COG5: variants seen among roughly 807,000 people sequenced by gnomAD.
COG5 encodes component of oligomeric golgi complex 5, also known as conserved oligomeric Golgi complex subunit 5.
In COG5, 86 loss-of-function variants were observed where a neutral mutation model predicts 110.4. That is an observed-to-expected ratio of 0.78 (90% CI 0.65 to 0.93). The LOEUF (loss-of-function observed/expected upper bound fraction) is 0.93. COG5 is among the 40% of genes least tolerant of loss of function. COG5 has a pLI of 0.00. For missense variants in COG5, 1,077 were observed against 987.0 expected (o/e 1.09, Z -1.22); for synonymous variants, 360 against 334.6 (o/e 1.08, Z -0.83).
chr7:107,535,864 T>C (rs1356346566), intron 5 of COG5, among the ~76,000 whole-genome samples: 3 of 151,940 alleles, frequency 2.0e-5, no homozygotes, highest in Non-Finnish European at 4.4e-5. Flanking sequence ...CATAAAAAAT[T>C]TCAGGCCAAT....
At chr7:107,453,454 A>G (rs1431263162) in intron 6 of COG5, among the ~76,000 whole-genome samples, 1 of 152,192 alleles carries the variant, frequency 6.6e-6, no homozygotes, top group Non-Finnish European at 1.5e-5. Context: ...CCTGAACATC[A>G]GCAAAACCAA....
In COG5 at chr7:107,547,381, G is replaced by C. The variant is rs1473205235; in HGVS notation, c.417+730C>G. On this transcript the variant is annotated intron_variant, in intron 5 of 21. Transcript: ENST00000297135. ...AGAAGGAACGTACCTCAACGCAATA[G>C]AGGCCATATACGACCAGCCCACAAC... Among the ~76,000 whole-genome samples the C allele has an allele frequency of 3.3e-5, 5 of 152,088 alleles. No individual in the cohort carries two copies. In the South Asian group the frequency reaches 8.3e-4, roughly 25 times the overall value.
At chr7:107,550,795 T>G (rs903057104) in intron 3 of COG5, among the ~76,000 whole-genome samples, 1 of 151,924 alleles carries the variant, frequency 6.6e-6, no homozygotes, top group African/African-American at 2.4e-5. Flanking sequence ...AACCTCTGCC[T>G]CCCAGGTTCA....
intron 6 of COG5, among the ~76,000 whole-genome samples, chr7:107,454,496 G>T (rs1193138464): frequency 1.3e-5 from 2 of 152,072 alleles, no homozygotes; most frequent in South Asian, 4.1e-4. Context: ...ATTCTTTAAA[G>T]TATTTTTTAT....
At chr7:107,254,820 C>G (rs1164807653) in intron 16 of COG5, among the ~76,000 whole-genome samples, 3 of 152,150 alleles carry the variant, frequency 2.0e-5, no homozygotes, top group Non-Finnish European at 4.4e-5. Flanking sequence ...TGAAGGCACT[C>G]TGTCTTAATC....
intron 11 of COG5, among the ~76,000 whole-genome samples, chr7:107,320,593 G>A (rs560797222): frequency 2.6e-4 from 39 of 152,318 alleles, no homozygotes; most frequent in African/African-American, 8.9e-4. Flanking sequence ...TATCAAGGGT[G>A]TCTTTCTGGT....
chr7:107,355,442 A>T (rs939306141), intron 10 of COG5, among the ~76,000 whole-genome samples: 3 of 152,220 alleles, frequency 2.0e-5, no homozygotes, highest in African/African-American at 7.2e-5. Flanking sequence ...GAAAATGCAA[A>T]AGGCTGAGCA....
chr7:107,513,140 C>T (rs1216157784), intron 6 of COG5, among the ~76,000 whole-genome samples: 3 of 151,694 alleles, frequency 2.0e-5, no homozygotes, highest in African/African-American at 2.4e-5. Context: ...ATTTTTGCAA[C>T]CTACTCATCT....
At chr7:107,213,260 A>G (rs1799302366) in intron 19 of COG5, among the ~76,000 whole-genome samples, 1 of 152,132 alleles carries the variant, frequency 6.6e-6, no homozygotes, top group Admixed American at 6.5e-5. Flanking sequence ...GCCCACCCCA[A>G]GGCCCTACCC....
At chr7:107,438,629 C>T (rs1161659903) in intron 6 of COG5, among the ~76,000 whole-genome samples, 1 of 152,074 alleles carries the variant, frequency 6.6e-6, no homozygotes. Flanking sequence ...CCTACAATAC[C>T]CCTGGACTAT....
chr7:107,412,491 A>AT lies in COG5; in HGVS notation c.669+10dup. 6.2e-7 allele frequency: 1 copy of AT among 1,611,518 alleles called. No individual in the cohort carries two copies. The highest frequency in any genetic ancestry group is 8.5e-7 in the Non-Finnish European group (1 of 1,179,194). On this transcript the variant is annotated intron_variant, in intron 7 of 21. Coordinates refer to ENST00000297135, the MANE Select transcript of COG5 (RefSeq NM_006348.5). ...ATTTTTTACATTAAAAAACAGTCTT[A>AT]TTTTTATTACCTGAGTCTCCAAACC...
At chr7:107,338,895 A>C (rs961494930) in intron 10 of COG5, among the ~76,000 whole-genome samples, 3 of 152,160 alleles carry the variant, frequency 2.0e-5, no homozygotes, top group Non-Finnish European at 4.4e-5. Flanking sequence ...TGGAAATGAA[A>C]GAATGATACC....
At chr7:107,313,611 C>G (rs1367004553) in intron 11 of COG5, among the ~76,000 whole-genome samples, 2 of 152,138 alleles carry the variant, frequency 1.3e-5, no homozygotes. Context: ...CTGTCCCTGT[C>G]TTTTCCACTT....
intron 14 of COG5, among the ~76,000 whole-genome samples, chr7:107,274,245 G>C (rs1804507601): frequency 6.6e-6 from 1 of 152,024 alleles, no homozygotes; most frequent in Non-Finnish European, 1.5e-5. Context: ...AGAGAACATT[G>C]GTTGCACCTG....
At chr7:107,466,789 C>A (rs2129105088) in intron 6 of COG5, among the ~76,000 whole-genome samples, 1 of 152,328 alleles carries the variant, frequency 6.6e-6, no homozygotes, top group South Asian at 2.1e-4. Flanking sequence ...CGCTAAGTAT[C>A]CACTGAAAAA....
At chr7:107,378,396 C>A (rs781606945) in intron 7 of COG5, among the ~76,000 whole-genome samples, 1 of 152,072 alleles carries the variant, frequency 6.6e-6, no homozygotes, top group East Asian at 1.9e-4. Context: ...TCGCCAGCAA[C>A]GAAACAAAAC....
chr7:107,381,815 T>G (rs1348965700), intron 7 of COG5, among the ~76,000 whole-genome samples: 1 of 152,212 alleles, frequency 6.6e-6, no homozygotes, highest in Admixed American at 6.5e-5. Flanking sequence ...CTTTGTTTTG[T>G]TTTTCAGAGT....
chr7:107,531,458 A>C (rs199605817), intron 5 of COG5, among the ~76,000 whole-genome samples: 1,594 of 130,300 alleles, frequency 0.012, 16 homozygotes, highest in African/African-American at 0.041. Flanking sequence ...GTCATTTTGT[A>C]TTTATAAGCA....
intron 2 of COG5, among the ~76,000 whole-genome samples, chr7:107,554,668 A>T (rs1232323163): frequency 6.6e-6 from 1 of 152,192 alleles, no homozygotes. Flanking sequence ...TGGGAAGTCC[A>T]GCATCAAGGC....
Sources: allele counts gnomAD v4.1 joint callset (sites outside exome capture counted in the v4.1 genomes callset), GRCh38; gene constraint gnomAD v4.1.1; transcripts MANE v1.5; gene names NCBI Gene and HGNC (gene_info 2026-07-23, HGNC 2026-07-21).